The following ATP2B2 variants were observed in gnomAD, a reference collection of about 807,000 sequenced individuals.
ATP2B2 encodes ATPase plasma membrane Ca2+ transporting 2.
In ATP2B2, 15 loss-of-function variants were observed where a neutral mutation model predicts 120.0. The ratio of observed to expected loss-of-function variants is 0.12; its 90% CI spans 0.08 to 0.19. The LOEUF is 0.19. Ranked by LOEUF, ATP2B2 falls within the 10% of genes least tolerant of loss-of-function variation. The pLI is 1.00. For synonymous variants in ATP2B2, 694 were observed against 700.3 expected (o/e 0.99, Z 0.14); for missense variants, 1,045 against 1,719.8 (o/e 0.61, Z 6.94).
chr3:10,360,830 A>T (rs1160144767), intron 12 of ATP2B2, among the ~76,000 whole-genome samples: 1 of 152,210 alleles, frequency 6.6e-6, no homozygotes, highest in Non-Finnish European at 1.5e-5. Context: ...ATGTGAGTTA[A>T]TGTGGCCACC....
chr3:10,428,021 T>G (rs1211709406), intron 2 of ATP2B2, among the ~76,000 whole-genome samples: 1 of 152,222 alleles, frequency 6.6e-6, no homozygotes, highest in Non-Finnish European at 1.5e-5. Flanking sequence ...AAATCCTTCA[T>G]GTGTTCTATT....
At chr3:10,536,867 A>G (rs1376603393) in intron 2 of ATP2B2, among the ~76,000 whole-genome samples, 2 of 152,130 alleles carry the variant, frequency 1.3e-5, no homozygotes, top group Non-Finnish European at 2.9e-5. Flanking sequence ...TTTACATGTT[A>G]TATTGAAGTC....
At chr3:10,639,237 A>C (rs1181613942) in intron 1 of ATP2B2, among the ~76,000 whole-genome samples, 1 of 152,156 alleles carries the variant, frequency 6.6e-6, no homozygotes, top group Non-Finnish European at 1.5e-5. Flanking sequence ...AGCAGAATTC[A>C]CTCCAGATGG....
chr3:10,661,054 A>G (rs762036224), intron 1 of ATP2B2, among the ~76,000 whole-genome samples: 11 of 152,358 alleles, frequency 7.2e-5, no homozygotes, highest in South Asian at 6.2e-4. Context: ...ACAGCCCTTC[A>G]TGCTGAAAAC....
At chr3:10,432,739 T>C (rs2063358270) in intron 2 of ATP2B2, among the ~76,000 whole-genome samples, 1 of 152,250 alleles carries the variant, frequency 6.6e-6, no homozygotes, top group Non-Finnish European at 1.5e-5. Context: ...GGCTTAGGGC[T>C]GTCTCCCTGG....
chr3:10,510,743 C>T (rs2066745090), intron 3 of ATP2B2, among the ~76,000 whole-genome samples: 1 of 152,228 alleles, frequency 6.6e-6, no homozygotes, highest in Admixed American at 6.5e-5. Context: ...GAAGCAGGAG[C>T]TACTCTCAGA....
intron 3 of ATP2B2, among the ~76,000 whole-genome samples, chr3:10,518,334 C>G (rs1028975562): frequency 6.6e-6 from 1 of 152,182 alleles, no homozygotes; most frequent in African/African-American, 2.4e-5. Context: ...GTGCTTGCCC[C>G]CCTCCAAAAT....
At chr3:10,503,454 C>A (rs2066475052) in intron 1 of ATP2B2, among the ~76,000 whole-genome samples, 1 of 152,258 alleles carries the variant, frequency 6.6e-6, no homozygotes, top group South Asian at 2.1e-4. Context: ...GGAATACGGG[C>A]TGGCCCTCCC....
rs1173553693 is a variant in ATP2B2 at position 10,325,472 on chromosome 3, A to T, written c.*3342T>A. 1 of 152,252 alleles carries T rather than the reference A, an allele frequency of 6.6e-6. No individual in the cohort carries two copies. The highest frequency in any genetic ancestry group is 1.5e-5 in the Non-Finnish European group (1 of 68,074). 9.4% of individuals were successfully genotyped at this position (152,252 alleles called of 1,614,324 possible). ...CAGTGTGTGGTAAAGGTGGCATTTC[A>T]GCATGGTTGGGGAAAAGAGTGGCTT... is the stretch of plus-strand genomic sequence containing the variant. On this transcript the variant is annotated 3_prime_UTR_variant, in exon 23 of 23. Transcript: ENST00000360273.
Position 10,378,416 on chromosome 3 carries a change from G to A in ATP2B2, c.1043-6C>T, listed in dbSNP as rs111358898. ...TGCCCCGTCCTGTTGTTTGGCTGCAGGGGGCAGATCACGCACGTGCATACA... is the reference window on the plus strand; with the variant it reads ...TGCCCCGTCCTGTTGTTTGGCTGCAAGGGGCAGATCACGCACGTGCATACA... On this transcript the variant is annotated splice_region_variant and splice_polypyrimidine_tract_variant and intron_variant, in intron 9 of 22. Coordinates refer to ENST00000360273, the MANE Select transcript of ATP2B2 (RefSeq NM_001001331.4). 2 of 1,600,000 alleles carry A rather than the reference G, an allele frequency of 1.3e-6. No individual in the cohort carries two copies. Among genetic ancestry groups the A allele is most frequent in the Non-Finnish European group, 8.5e-7 (1 of 1,179,628 alleles).
chr3:10,451,532 G>T (rs2064050796), intron 1 of ATP2B2, among the ~76,000 whole-genome samples: 1 of 152,210 alleles, frequency 6.6e-6, no homozygotes, highest in African/African-American at 2.4e-5. Flanking sequence ...CCAGTCTTGG[G>T]TCACTGGGTG....
chr3:10,658,889 G>T (rs6442191), intron 1 of ATP2B2, among the ~76,000 whole-genome samples: 1 of 151,240 alleles, frequency 6.6e-6, no homozygotes. Context: ...GACTAACAGC[G>T]GATCTCTCGG....
intron 2 of ATP2B2, among the ~76,000 whole-genome samples, chr3:10,422,536 A>C (rs1011152610): frequency 4.6e-5 from 7 of 152,124 alleles, no homozygotes; most frequent in Non-Finnish European, 8.8e-5. Context: ...AGTCTCTGTC[A>C]TGTGGAGGGG....
intron 3 of ATP2B2, among the ~76,000 whole-genome samples, chr3:10,404,546 C>T (rs2062344685): frequency 6.6e-6 from 1 of 152,240 alleles, no homozygotes; most frequent in Non-Finnish European, 1.5e-5. Flanking sequence ...AGTGAGCACA[C>T]AGTAAATGCT....
intron 2 of ATP2B2, among the ~76,000 whole-genome samples, chr3:10,424,802 T>C (rs1324855059): frequency 1.3e-5 from 2 of 152,240 alleles, no homozygotes; most frequent in Non-Finnish European, 2.9e-5. Flanking sequence ...GAACAATGTG[T>C]ATAGTTTTAT....
intron 1 of ATP2B2, among the ~76,000 whole-genome samples, chr3:10,646,193 C>G (rs1220999372): frequency 2.0e-5 from 3 of 152,234 alleles, no homozygotes; most frequent in Non-Finnish European, 4.4e-5. Context: ...CCCTAAATCG[C>G]TAAAGACTCC....
At chr3:10,497,476 A>G (rs2125391554) in intron 1 of ATP2B2, among the ~76,000 whole-genome samples, 1 of 152,364 alleles carries the variant, frequency 6.6e-6, no homozygotes, top group South Asian at 2.1e-4. Flanking sequence ...CATTTATTGA[A>G]CTAGAAGAGA....
Position 10,620,966 on chromosome 3 carries a change from C to A in ATP2B2, c.-459-1005G>T, listed in dbSNP as rs141835060. 2.3e-3 allele frequency among the ~76,000 whole-genome samples: 356 copies of A among 152,320 alleles called. 3 individuals are homozygous for A. Among genetic ancestry groups the A allele is most frequent in the African/African-American group, 6.5e-3 (270 of 41,586 alleles). On this transcript the variant is annotated intron_variant, in intron 1 of 21. Transcript: ENST00000646379. ...TCACAGGGTTCACACCCTCAGCCCC[C>A]AATCCAGGGCTAACCAGGTCCTGAG...
chr3:10,536,399 C>CTCTTCT (rs141039670), intron 2 of ATP2B2, among the ~76,000 whole-genome samples: 1 of 149,384 alleles, frequency 6.7e-6, no homozygotes, highest in Admixed American at 6.7e-5. Context: ...ATTTGCTTTC[C>CTCTTCT]TCTTCTTCTT....
Sources: allele counts gnomAD v4.1 joint callset (sites outside exome capture counted in the v4.1 genomes callset), GRCh38; gene constraint gnomAD v4.1.1; transcripts MANE v1.5; gene names NCBI Gene and HGNC (gene_info 2026-07-23, HGNC 2026-07-21).